MYOM2: variants seen among roughly 807,000 people sequenced by gnomAD.
The protein encoded by MYOM2 is myomesin 2.
A neutral mutation model predicts 187.6 loss-of-function variants in MYOM2; 254 were observed. The observed-to-expected ratio is 1.35, with a 90% CI of 1.22 to 1.50. The LOEUF (loss-of-function observed/expected upper bound fraction) is 1.50, where lower values mean the gene tolerates loss of function less well. Among genes scored for constraint, MYOM2 ranks in the 40% most tolerant of loss-of-function variants. MYOM2 has a pLI of 0.00. For missense variants in MYOM2, 2,796 were observed against 1,924.0 expected (o/e 1.45, Z -8.48); for synonymous variants, 981 against 753.8 (o/e 1.30, Z -4.94).
chr8:2,121,833 G>A (rs900758322), intron 28 of MYOM2, among the ~76,000 whole-genome samples: 1 of 152,222 alleles, frequency 6.6e-6, no homozygotes, highest in Non-Finnish European at 1.5e-5. Flanking sequence ...TCAGGCATGG[G>A]CCATACGTAG....
chr8:2,125,388 A>C (rs915810275), intron 31 of MYOM2, among the ~76,000 whole-genome samples: 1 of 152,236 alleles, frequency 6.6e-6, no homozygotes, highest in Non-Finnish European at 1.5e-5. Context: ...GTTGAAAATC[A>C]ATTGACCATC....
intron 23 of MYOM2, among the ~76,000 whole-genome samples, chr8:2,108,152 A>C (rs1403009237): frequency 6.6e-6 from 1 of 152,212 alleles, no homozygotes; most frequent in Non-Finnish European, 1.5e-5. Context: ...TCTGATTCTA[A>C]TTTTAAGAAG....
At position 2,126,063 on chromosome 8, in the gene MYOM2, C is replaced by A. The variant is rs181274991; in HGVS notation, c.3694+1846C>A. On this transcript the variant is annotated intron_variant, in intron 31 of 36. Transcript: ENST00000262113. ...TGTGTTAAAATATCTCATAATGTGT[C>A]CAAGGGCCACTCATGGATAATAGAA... 4.0e-3 allele frequency among the ~76,000 whole-genome samples: 604 copies of A among 152,218 alleles called. 4 individuals carry two copies. The highest frequency in any genetic ancestry group is 0.014 in the African/African-American group (592 of 41,524).
chr8:2,125,083 T>A (rs1797590424), intron 31 of MYOM2, among the ~76,000 whole-genome samples: 1 of 152,210 alleles, frequency 6.6e-6, no homozygotes, highest in African/African-American at 2.4e-5. Flanking sequence ...AGAAGCTTTT[T>A]AGTTTTGTGC....
At chr8:2,099,597 T>C (rs974767815) in intron 19 of MYOM2, among the ~76,000 whole-genome samples, 2 of 152,146 alleles carry the variant, frequency 1.3e-5, no homozygotes, top group Non-Finnish European at 2.9e-5. Flanking sequence ...TACTGGTTTT[T>C]TGTTTTGAGA....
At chr8:2,045,567 GA>G (rs1335351912) in intron 1 of MYOM2, among the ~76,000 whole-genome samples, 2 of 152,200 alleles carry the variant, frequency 1.3e-5, no homozygotes. Context: ...ATAAAGGTGT[GA>G]AATAATAAAA....
intron 32 of MYOM2, among the ~76,000 whole-genome samples, chr8:2,137,845 G>A (rs971258614): frequency 1.3e-5 from 2 of 152,164 alleles, no homozygotes; most frequent in Non-Finnish European, 2.9e-5. Flanking sequence ...GGATAAAGAA[G>A]TCTTTCTTAA....
chr8:2,072,706 G>A (rs1819277123), intron 9 of MYOM2, among the ~76,000 whole-genome samples, 197 bp downstream of exon 9: 1 of 152,222 alleles, frequency 6.6e-6, no homozygotes, highest in African/African-American at 2.4e-5. Context: ...CCTGGAGAGG[G>A]AGACCCCGAA....
intron 32 of MYOM2, among the ~76,000 whole-genome samples, chr8:2,135,922 G>C (rs537465170): frequency 6.6e-6 from 1 of 152,204 alleles, no homozygotes; most frequent in African/African-American, 2.4e-5. Flanking sequence ...ATGAGTGGGC[G>C]TGGGGTCTAG....
intron 19 of MYOM2, among the ~76,000 whole-genome samples, chr8:2,099,789 G>A (rs1204729997): frequency 6.6e-6 from 1 of 152,162 alleles, no homozygotes; most frequent in African/African-American, 2.4e-5. Context: ...AACCTATCAG[G>A]AATTAAGTGC....
At chr8:2,083,808 G>A (rs1457802526) in intron 13 of MYOM2, among the ~76,000 whole-genome samples, 1 of 152,208 alleles carries the variant, frequency 6.6e-6, no homozygotes, top group African/African-American at 2.4e-5. Context: ...GAATAAGTCA[G>A]ATGTCTTGCC....
At chr8:2,064,129 T>C (rs1014601057) in intron 6 of MYOM2, among the ~76,000 whole-genome samples, 1 of 152,070 alleles carries the variant, frequency 6.6e-6, no homozygotes, top group African/African-American at 2.4e-5. Context: ...TCCGCGAGAG[T>C]GGCCGCCCTT....
In MYOM2 at chr8:2,106,988, A is replaced by AT. The variant is rs780902803; in HGVS notation, c.2998+391_2998+392insT. ...CTGAGAAATCAGATGATCAAAGAAA[A>AT]ATTTTTTTATGCATGTAAAATAATT... On this transcript the variant is annotated intron_variant, in intron 23 of 36. Transcript: ENST00000262113. Among the ~76,000 whole-genome samples, 293 of 152,296 alleles carry AT rather than the reference A, an allele frequency of 1.9e-3. 2 individuals carry two copies. The highest frequency in any genetic ancestry group is 3.5e-3 in the Non-Finnish European group (241 of 68,026).
intron 30 of MYOM2, 56 bp downstream of exon 30, chr8:2,123,698 G>A (rs1797538028): frequency 5.4e-6 from 8 of 1,481,076 alleles, no homozygotes; most frequent in Non-Finnish European, 7.5e-6. Flanking sequence ...CCAACAGGAT[G>A]GGATGTATTC....
At chr8:2,099,046 G>A (rs1796597350) in intron 19 of MYOM2, 63 bp downstream of exon 19, 8 of 1,518,746 alleles carry the variant, frequency 5.3e-6, no homozygotes, top group African/African-American at 1.4e-5. Context: ...AGGGGCCTCT[G>A]TGGCTGCGAC....
intron 5 of MYOM2, 88 bp downstream of exon 5, chr8:2,057,868 A>C: frequency 1.4e-6 from 2 of 1,454,144 alleles, no homozygotes; most frequent in Non-Finnish European, 1.9e-6. Flanking sequence ...ACGCCATTGA[A>C]CCTGTGCTGG....
At position 2,140,923 on chromosome 8, in the gene MYOM2, A is replaced by T. The variant is rs369874934; in HGVS notation, c.3964+37A>T. On this transcript the variant is annotated intron_variant, in intron 33 of 36. Coordinates refer to ENST00000262113, the MANE Select transcript of MYOM2 (RefSeq NM_003970.4). ...CTTCTTTAGCATTTAATAATTTCCT[A>T]TTTAGAAATCCATTTAGATGCTGAA... is the stretch of plus-strand genomic sequence containing the variant. The T allele has an allele frequency of 2.4e-5, 38 of 1,565,666 alleles. No homozygotes were observed. In the African/African-American group the frequency reaches 4.3e-4, roughly 18 times the overall value.
intron 14 of MYOM2, among the ~76,000 whole-genome samples, chr8:2,086,912 G>C (rs1022167398): frequency 5.9e-5 from 9 of 152,140 alleles, no homozygotes; most frequent in Non-Finnish European, 8.8e-5. Context: ...AGAAGGGTTA[G>C]ACTCGCCAGA....
At chr8:2,050,709 T>C in intron 1 of MYOM2, 46 bp from the exon 2 acceptor site, 1 of 1,187,798 alleles carries the variant, frequency 8.4e-7, no homozygotes. Context: ...AGAGGCCTCA[T>C]GATGCTTGCG....
Sources: allele counts gnomAD v4.1 joint callset (sites outside exome capture counted in the v4.1 genomes callset), GRCh38; gene constraint gnomAD v4.1.1; transcripts MANE v1.5; gene names NCBI Gene and HGNC (gene_info 2026-07-23, HGNC 2026-07-21).